Variants in RGSL1 observed in about 807,000 individuals in gnomAD.
The protein encoded by RGSL1 is regulator of G protein signaling protein-like.
A neutral mutation model predicts 124.7 loss-of-function variants in RGSL1; 97 were observed. The ratio of observed to expected loss-of-function variants is 0.78; its 90% CI spans 0.66 to 0.92. The LOEUF is 0.92. Ranked by LOEUF, RGSL1 falls within the 40% of genes least tolerant of loss-of-function variation. The pLI is 0.00. For synonymous variants in RGSL1, 424 were observed against 438.1 expected (o/e 0.97, Z 0.40); for missense variants, 1,233 against 1,288.4 (o/e 0.96, Z 0.66).
At chr1:182,491,572 A>G (rs1170290068) in intron 8 of RGSL1, among the ~76,000 whole-genome samples, 1 of 152,118 alleles carries the variant, frequency 6.6e-6, no homozygotes, top group Non-Finnish European at 1.5e-5. Context: ...GACTTGCCCA[A>G]GGTTGCTCAG....
chr1:182,488,608 C>A, intron 7 of RGSL1: 1 of 412,220 alleles, frequency 2.4e-6, no homozygotes, highest in South Asian at 2.5e-5. Flanking sequence ...CGCCTGTAGT[C>A]CCAGCTACTT....
Position 182,540,167 on chromosome 1 carries a change from C to T in RGSL1, c.2495-80C>T, listed in dbSNP as rs537511422. 69 of 1,355,244 alleles carry T rather than the reference C, an allele frequency of 5.1e-5. 2 individuals are homozygous for T. In the South Asian group the frequency reaches 1.0e-3, roughly 20 times the overall value. 84.0% of individuals were successfully genotyped at this position (1,355,244 alleles called of 1,614,324 possible). ...AAAGGATGGATCCACAGTCTCCTTT[C>T]TTCTTTTTGTTATGCCCAGGTTGAG... On this transcript the variant is annotated intron_variant, in intron 14 of 21. Coordinates refer to ENST00000294854, the MANE Select transcript of RGSL1 (RefSeq NM_001137669.2).
At chr1:182,494,348 G>A (rs1372374792) in intron 9 of RGSL1, among the ~76,000 whole-genome samples, 1 of 152,188 alleles carries the variant, frequency 6.6e-6, no homozygotes, top group Non-Finnish European at 1.5e-5. Flanking sequence ...GAAGCATTCT[G>A]CCTCCAGGAA....
At chr1:182,541,102 A>G (rs536685050) in intron 15 of RGSL1, among the ~76,000 whole-genome samples, 2 of 152,258 alleles carry the variant, frequency 1.3e-5, no homozygotes, top group South Asian at 4.1e-4. Context: ...GACAGATTCA[A>G]ATTACTCTCT....
intron 17 of RGSL1, chr1:182,550,766 C>T (rs1002879446): frequency 4.3e-6 from 1 of 234,002 alleles, no homozygotes; most frequent in African/African-American, 2.3e-5. Flanking sequence ...ATAGGGATGT[C>T]AGAGTCTGAT....
chr1:182,451,445 A>G (rs544727785), intron 1 of RGSL1, among the ~76,000 whole-genome samples: 1 of 152,302 alleles, frequency 6.6e-6, no homozygotes, highest in East Asian at 1.9e-4. Context: ...TATGTAAACC[A>G]GTTCTTAATG....
Position 182,474,390 on chromosome 1 carries a change from T to G in RGSL1, c.1279T>G (p.Leu427Val). The change falls in exon 6 of 22, where the codon TTG becomes GTG. Residue 427 changes from leucine to valine, a missense_variant. Physicochemically the swap from Leu to Val is conservative, Grantham distance 32 (BLOSUM62 1). Coordinates refer to ENST00000294854, the MANE Select transcript of RGSL1 (RefSeq NM_001137669.2). ...GAATGGGAATGCAATCTTTCGTCACTTGCTGGGTGACAGAATCTGCGAGCT... is the reference window on the plus strand; with the variant it reads ...GAATGGGAATGCAATCTTTCGTCACGTGCTGGGTGACAGAATCTGCGAGCT... ...KKNGNAIFRHLLGDRICELYL... is the reference protein window; with the variant it reads ...KKNGNAIFRHVLGDRICELYL... 3 of 1,552,024 alleles carry G rather than the reference T, an allele frequency of 1.9e-6. No individual in the cohort carries two copies.
chr1:182,540,248 T>C lies in RGSL1; in HGVS notation c.2496T>C (p.Asn832=), dbSNP rs1336797431. 2.0e-6 allele frequency: 3 copies of C among 1,538,388 alleles called. No individual in the cohort carries two copies. In the Admixed American group the frequency reaches 6.3e-5, roughly 32 times the overall value. Residue 832 remains asparagine, a splice_region_variant and synonymous_variant, in exon 15 of 22, where the codon AAT becomes AAC. Transcript: ENST00000294854. ...AATTCCTTCTTCTTTCTCTCTCAGATTTCACCACAGCACACAACACATCGG... is the reference window on the plus strand; with the variant it reads ...AATTCCTTCTTCTTTCTCTCTCAGACTTCACCACAGCACACAACACATCGG... The part of the protein sequence containing the change: ...LHQEMQNSKE[N]FTTAHNTSGR...
chr1:182,558,282 A>G (rs1249539247), intron 21 of RGSL1, among the ~76,000 whole-genome samples: 1 of 152,168 alleles, frequency 6.6e-6, no homozygotes, highest in Non-Finnish European at 1.5e-5. Flanking sequence ...GCGTCCCAAC[A>G]CTAGATCCAG....
intron 21 of RGSL1, among the ~76,000 whole-genome samples, chr1:182,556,823 A>G (rs1015020076): frequency 3.9e-5 from 6 of 152,116 alleles, no homozygotes; most frequent in African/African-American, 1.4e-4. Flanking sequence ...CTCTCCTTTG[A>G]GAAAAAAAAA....
intron 9 of RGSL1, among the ~76,000 whole-genome samples, chr1:182,516,682 TAATC>T (rs1310940389): frequency 1.4e-5 from 2 of 140,282 alleles, no homozygotes; most frequent in African/African-American, 5.4e-5. Context: ...ATAAAGAAGT[TAATC>T]TATCTTAGAT....
intron 1 of RGSL1, among the ~76,000 whole-genome samples, chr1:182,451,769 G>A (rs980011149): frequency 4.1e-5 from 6 of 146,652 alleles, no homozygotes; most frequent in African/African-American, 9.9e-5. Flanking sequence ...GTGGCAGTAC[G>A]TGTAGGGTGG....
chr1:182,466,013 C>T (rs1036761432), intron 4 of RGSL1, among the ~76,000 whole-genome samples: 22 of 151,694 alleles, frequency 1.5e-4, no homozygotes, highest in South Asian at 4.2e-4. Flanking sequence ...CCTCAATATA[C>T]GAAAATGAAT....
chr1:182,466,970 T>C (rs974899091), intron 4 of RGSL1, among the ~76,000 whole-genome samples: 3 of 152,062 alleles, frequency 2.0e-5, no homozygotes, highest in Admixed American at 6.6e-5. Flanking sequence ...TATACACCAA[T>C]AACAGACAAA....
At chr1:182,475,989 G>C (rs1204438937) in intron 6 of RGSL1, among the ~76,000 whole-genome samples, 2 of 152,176 alleles carry the variant, frequency 1.3e-5, no homozygotes, top group Admixed American at 6.5e-5. Context: ...GAGTCACACA[G>C]AGAGTAAGTG....
Position 182,540,385 on chromosome 1 carries a change from C to A in RGSL1, c.2633C>A (p.Ala878Glu), listed in dbSNP as rs901465686. 5.2e-6 allele frequency: 8 copies of A among 1,550,710 alleles called. No homozygotes were observed. In the South Asian group the frequency reaches 9.5e-5, roughly 18 times the overall value. Residue 878 changes from alanine (A) to glutamate (E), a missense_variant, in exon 15 of 22, where the codon GCG becomes GAG. Physicochemically the swap from Ala to Glu is moderately radical, Grantham distance 107. Transcript: ENST00000294854. ...CACAGGATTATCACTGTCAACTTTGCGATCAATGATCTATATTTCTTTTCT... is the reference window on the plus strand; with the variant it reads ...CACAGGATTATCACTGTCAACTTTGAGATCAATGATCTATATTTCTTTTCT... ...FGHRIITVNF[A>E]INDLYFFSEM...
chr1:182,537,737 G>T (rs1393026668), intron 14 of RGSL1, among the ~76,000 whole-genome samples: 1 of 151,952 alleles, frequency 6.6e-6, no homozygotes, highest in East Asian at 1.9e-4. Flanking sequence ...TAGTCTCTCG[G>T]TGGAAACAGG....
chr1:182,489,124 T>C lies in RGSL1; in HGVS notation c.1639T>C (p.Trp547Arg). ...CATGAAGGAAATGGACTATAGGCAG[T>C]GGCGAAAGATAGCTACTGAGGACCT... is the stretch of plus-strand genomic sequence containing the variant. The part of the protein sequence containing the change: ...ADMKEMDYRQ[W>R]RKIATEDLKQ... Residue 547 changes from tryptophan to arginine, a missense_variant, in exon 8 of 22, where the codon TGG (tryptophan) becomes CGG (arginine). Coordinates refer to ENST00000294854, the MANE Select transcript of RGSL1 (RefSeq NM_001137669.2). 6.4e-7 allele frequency: 1 copy of C among 1,551,724 alleles called. No homozygotes were observed.
intron 4 of RGSL1, among the ~76,000 whole-genome samples, chr1:182,467,625 G>A (rs1653452999): frequency 6.6e-6 from 1 of 152,154 alleles, no homozygotes; most frequent in South Asian, 2.1e-4. Flanking sequence ...ATTCAAGATG[G>A]ATTAAAGACT....
Sources: allele counts gnomAD v4.1 joint callset (sites outside exome capture counted in the v4.1 genomes callset), GRCh38; gene constraint gnomAD v4.1.1; transcripts MANE v1.5; gene names NCBI Gene and HGNC (gene_info 2026-07-23, HGNC 2026-07-21).